Variants in PPP6C observed in about 807,000 individuals in gnomAD.
PPP6C encodes the protein serine/threonine-protein phosphatase 6 catalytic subunit.
A neutral mutation model predicts 39.8 loss-of-function variants in PPP6C; 11 were observed. The observed-to-expected ratio is 0.28, with a 90% CI of 0.17 to 0.46. The LOEUF is 0.46. Among genes scored for constraint, PPP6C ranks in the 20% least tolerant of loss-of-function variants. The probability of loss-of-function intolerance (pLI) is 1.00; values close to 1 mark genes in which losing one functional copy is unlikely to be tolerated. For missense variants in PPP6C, 211 were observed against 373.9 expected, an observed-to-expected ratio of 0.56 and a Z score of 3.59; for synonymous variants, 129 against 130.3, an observed-to-expected ratio of 0.99 and a Z score of 0.07.
chr9:125,151,318 A>C, intron 6 of PPP6C: 1 of 1,462,440 alleles, frequency 6.8e-7, no homozygotes, highest in Non-Finnish European at 9.6e-7. Flanking sequence ...CTTGTGGCAC[A>C]ATCTGCCATG....
chr9:125,189,211 G>A (rs952018950), intron 1 of PPP6C, among the ~76,000 whole-genome samples: 1 of 152,234 alleles, frequency 6.6e-6, no homozygotes, highest in African/African-American at 2.4e-5. Flanking sequence ...TCCGGTAGCC[G>A]GTGGCATCTC....
intron 2 of PPP6C, among the ~76,000 whole-genome samples, chr9:125,170,835 C>A (rs761820878): frequency 2.6e-5 from 4 of 152,184 alleles, no homozygotes; most frequent in African/African-American, 4.8e-5. Context: ...CACCATTCCA[C>A]AGAAAACTAA....
At chr9:125,172,805 T>C (rs1463938670) in intron 1 of PPP6C, among the ~76,000 whole-genome samples, 1 of 149,988 alleles carries the variant, frequency 6.7e-6, no homozygotes, top group Non-Finnish European at 1.5e-5. Context: ...CTGAACATCA[T>C]GAGGTGATGA....
At chr9:125,163,803 CGTCA>C (rs1408705003) in intron 2 of PPP6C, among the ~76,000 whole-genome samples, 4 of 151,558 alleles carry the variant, frequency 2.6e-5, no homozygotes, top group Non-Finnish European at 4.4e-5. Context: ...AAATATTCTG[CGTCA>C]GTGATACATA....
chr9:125,182,008 G>A (rs1829431255), intron 1 of PPP6C, among the ~76,000 whole-genome samples: 1 of 152,216 alleles, frequency 6.6e-6, no homozygotes, highest in African/African-American at 2.4e-5. Context: ...ACTGGCGTGA[G>A]ATGGTATCTC....
chr9:125,163,881 CTTG>C (rs1006549719), intron 2 of PPP6C, among the ~76,000 whole-genome samples: 3 of 136,550 alleles, frequency 2.2e-5, no homozygotes, highest in African/African-American at 8.2e-5. Flanking sequence ...GAGTTTCGTT[CTTG>C]TTGTCCAGGC....
At chr9:125,170,510 T>C (rs1410605864) in intron 2 of PPP6C, among the ~76,000 whole-genome samples, 1 of 152,206 alleles carries the variant, frequency 6.6e-6, no homozygotes, top group Admixed American at 6.5e-5. Context: ...GTGCTGGGAC[T>C]ACAGGTGTGA....
intron 4 of PPP6C, among the ~76,000 whole-genome samples, chr9:125,154,219 T>C (rs1228007545): frequency 6.6e-6 from 1 of 152,224 alleles, no homozygotes; most frequent in Non-Finnish European, 1.5e-5. Flanking sequence ...AAAAATGCAT[T>C]GTTAGGTGAT....
At chr9:125,154,944 A>G (rs1836032780) in intron 4 of PPP6C, among the ~76,000 whole-genome samples, 1 of 152,160 alleles carries the variant, frequency 6.6e-6, no homozygotes, top group Non-Finnish European at 1.5e-5. Flanking sequence ...CCAAGTTGGA[A>G]TACAGTGGCA....
At chr9:125,161,511 A>AT (rs2131311799) in intron 2 of PPP6C, among the ~76,000 whole-genome samples, 1 of 152,282 alleles carries the variant, frequency 6.6e-6, no homozygotes, top group East Asian at 1.9e-4. Flanking sequence ...TGGTGCAATC[A>AT]TAACTCACTG....
intron 3 of PPP6C, among the ~76,000 whole-genome samples, chr9:125,158,946 G>A (rs1211772959): frequency 6.0e-5 from 9 of 151,214 alleles, no homozygotes; most frequent in African/African-American, 1.7e-4. Flanking sequence ...TTATAGATGT[G>A]AGCCACCACA....
intron 2 of PPP6C, among the ~76,000 whole-genome samples, chr9:125,164,133 G>A (rs903361651): frequency 6.6e-6 from 1 of 150,604 alleles, no homozygotes; most frequent in African/African-American, 2.4e-5. Context: ...CACAGCACAC[G>A]GCCCTATTTT....
At position 125,153,936 on chromosome 9, in the gene PPP6C, G is replaced by C; in HGVS notation, c.429C>G (p.Thr143=). ...CTACTGTGAGCATGTCAAAAACTTT[G>C]GTACAGTATCTCCAGGCATTAGCAT... The part of the protein sequence containing the change: ...YGNANAWRYC[T]KVFDMLTVAA... Residue 143 remains threonine (T), a synonymous_variant, in exon 5 of 7, where the codon ACC becomes ACG. Transcript: ENST00000373547. 1 of 1,611,854 alleles carries C rather than the reference G, an allele frequency of 6.2e-7. No individual in the cohort carries two copies. Among genetic ancestry groups the C allele is most frequent in the Non-Finnish European group, 8.5e-7 (1 of 1,178,018 alleles).
At chr9:125,164,428 A>G (rs1384250710) in intron 2 of PPP6C, among the ~76,000 whole-genome samples, 1 of 151,084 alleles carries the variant, frequency 6.6e-6, no homozygotes, top group Non-Finnish European at 1.5e-5. Flanking sequence ...GGGTTTCGCC[A>G]CATTGGCCAG....
At chr9:125,151,386 G>T (rs1172906824) in intron 6 of PPP6C, 11 of 1,026,568 alleles carry the variant, frequency 1.1e-5, no homozygotes, top group Non-Finnish European at 1.7e-5. Context: ...TTGACTCACA[G>T]AATCTTCTCT....
Position 125,184,307 on chromosome 9 carries a change from G to A in PPP6C, c.75+5337C>T, listed in dbSNP as rs375723256. ...GGAGGCTGAGGCAGGAGAATTGTTTGAACCCAGGAGGCAGAGGTTGCAGTG... is the reference window on the plus strand; with the variant it reads ...GGAGGCTGAGGCAGGAGAATTGTTTAAACCCAGGAGGCAGAGGTTGCAGTG... On this transcript the variant is annotated intron_variant, in intron 1 of 6. Transcript: ENST00000373547. Among the ~76,000 whole-genome samples, 142 of 152,150 alleles carry A rather than the reference G, an allele frequency of 9.3e-4. 1 individual carries two copies. The highest frequency in any genetic ancestry group is 3.3e-3 in the African/African-American group (137 of 41,498).
chr9:125,159,694 T>G (rs2058249642), intron 3 of PPP6C, among the ~76,000 whole-genome samples: 3 of 152,134 alleles, frequency 2.0e-5, no homozygotes, highest in South Asian at 2.1e-4. Context: ...GGGCCAATAT[T>G]ACACCAATAG....
At position 125,174,672 on chromosome 9, in the gene PPP6C, G is replaced by A. The variant is rs1829256378; in HGVS notation, c.76-3492C>T. Reference sequence around the variant, plus strand: ...CACCTATAATTCCAGCACTTTAGGAGGCTCAGGCAGGTGGATCATTTGAGG... The same window carrying A: ...CACCTATAATTCCAGCACTTTAGGAAGCTCAGGCAGGTGGATCATTTGAGG... On this transcript the variant is annotated intron_variant, in intron 1 of 6. Coordinates refer to ENST00000373547, the MANE Select transcript of PPP6C (RefSeq NM_002721.5). 2.6e-5 allele frequency among the ~76,000 whole-genome samples: 4 copies of A among 151,806 alleles called. No individual in the cohort carries two copies. In the South Asian group the frequency reaches 8.3e-4, roughly 31 times the overall value.
At chr9:125,161,875 G>A (rs1464179993) in intron 2 of PPP6C, among the ~76,000 whole-genome samples, 1 of 152,110 alleles carries the variant, frequency 6.6e-6, no homozygotes, top group Non-Finnish European at 1.5e-5. Flanking sequence ...AACGATTTTG[G>A]ATTAAGGGAA....
Sources: gnomAD v4.1 joint callset for allele counts (sites outside exome capture counted in the v4.1 genomes callset) on GRCh38, gnomAD v4.1.1 for gene constraint, MANE v1.5 for transcripts, NCBI Gene and HGNC (gene_info 2026-07-23, HGNC 2026-07-21) for gene names.